The following COL6A6 variants were observed in gnomAD, a reference collection of about 807,000 sequenced individuals.
COL6A6 encodes the protein collagen alpha-6(VI) chain.
In COL6A6, 183 loss-of-function variants were observed where a neutral mutation model predicts 208.6. The ratio of observed to expected loss-of-function variants is 0.88; its 90% CI spans 0.78 to 0.99. The LOEUF (loss-of-function observed/expected upper bound fraction) is 0.99, where lower values mean the gene tolerates loss of function less well. COL6A6 is among the 50% of genes least tolerant of loss of function. The pLI is 0.00. For missense variants in COL6A6, 2,816 were observed against 2,815.2 expected (o/e 1.00, Z -0.01); for synonymous variants, 973 against 1,011.8 (o/e 0.96, Z 0.73).
chr3:130,563,156 C>G lies in COL6A6; in HGVS notation c.153C>G (p.Thr51=), dbSNP rs756803709. The change falls in exon 3 of 37, where the codon ACC becomes ACG. Residue 51 remains threonine (T), a synonymous_variant. Transcript: ENST00000358511. The part of the protein sequence containing the change: ...KSFPFVKMFI[T]KMISSLPIEA... ...TCCCATTTGTGAAAATGTTCATCAC[C>G]AAAATGATCAGCAGTCTCCCCATAG... The G allele has an allele frequency of 3.7e-6, 6 of 1,613,852 alleles. No individual in the cohort carries two copies. Among genetic ancestry groups the G allele is most frequent in the Non-Finnish European group, 5.1e-6 (6 of 1,179,896 alleles).
chr3:130,666,001 TGGACCTCAGATA>T (rs1279071680), intron 36 of COL6A6, among the ~76,000 whole-genome samples: 7 of 152,180 alleles, frequency 4.6e-5, no homozygotes, highest in Non-Finnish European at 1.0e-4. Flanking sequence ...AGCGTCTTGG[TGGACCTCAGATA>T]GGATGTTTAA....
intron 23 of COL6A6, among the ~76,000 whole-genome samples, chr3:130,614,601 T>A (rs1240364294): frequency 2.6e-5 from 4 of 152,316 alleles, no homozygotes; most frequent in Middle Eastern, 3.4e-3. Context: ...CTCTTCTTTA[T>A]ACATCTGATA....
chr3:130,521,540 G>A (rs1053430554), intron 1 of COL6A6, among the ~76,000 whole-genome samples: 1 of 152,194 alleles, frequency 6.6e-6, no homozygotes, highest in Admixed American at 6.5e-5. Flanking sequence ...ATTATACACT[G>A]TAGCAGATTC....
At chr3:130,637,292 A>T (rs548717539) in intron 28 of COL6A6, among the ~76,000 whole-genome samples, 1 of 150,756 alleles carries the variant, frequency 6.6e-6, no homozygotes, top group Admixed American at 6.6e-5. Flanking sequence ...CTATCTCTGG[A>T]TCATTTATTT....
At chr3:130,562,520 T>G (rs978595650) in intron 2 of COL6A6, among the ~76,000 whole-genome samples, 9 of 152,202 alleles carry the variant, frequency 5.9e-5, no homozygotes, top group Admixed American at 2.6e-4. Context: ...TTTTTAAACT[T>G]AATGTGACTG....
At chr3:130,591,355 A>G (rs1237256761) in intron 13 of COL6A6, among the ~76,000 whole-genome samples, 1 of 152,214 alleles carries the variant, frequency 6.6e-6, no homozygotes. Context: ...AGGGGAGTTG[A>G]ATCACTGCTG....
chr3:130,577,315 C>G (rs971720866), intron 8 of COL6A6, among the ~76,000 whole-genome samples: 1 of 152,112 alleles, frequency 6.6e-6, no homozygotes, highest in African/African-American at 2.4e-5. Context: ...CCCGTCTGTT[C>G]CTCTCACCAC....
chr3:130,601,571 A>T (rs1576307674), intron 20 of COL6A6, among the ~76,000 whole-genome samples: 1 of 152,312 alleles, frequency 6.6e-6, no homozygotes, highest in East Asian at 1.9e-4. Context: ...GCATGTAAGG[A>T]TGTACTTTCA....
At chr3:130,621,958 G>C in intron 24 of COL6A6, 75 bp downstream of exon 24, 1 of 1,276,510 alleles carries the variant, frequency 7.8e-7, no homozygotes, top group Non-Finnish European at 1.1e-6. Context: ...GTATTAGCCA[G>C]GGCCCTTTCA....
Position 130,649,550 on chromosome 3 carries a change from G to C in COL6A6, c.5721G>C (p.Arg1907Ser). The C allele has an allele frequency of 6.3e-7, 1 of 1,586,588 alleles. No homozygotes were observed. Among genetic ancestry groups the C allele is most frequent in the Non-Finnish European group, 8.6e-7 (1 of 1,166,830 alleles). Residue 1907 changes from arginine (R) to serine (S), a missense_variant, in exon 33 of 37, where the codon AGG (arginine) becomes AGC (serine). Arg to Ser is a moderately radical substitution (Grantham distance 110). Transcript: ENST00000358511. ...CTTTCAGCAACGTGCCCTCGGTCAG[G>C]CGCGCATTTGCGGTATGAGGATGAA... The part of the protein sequence containing the change: ...VITFSNVPSV[R>S]RAFAIDDTGT...
intron 6 of COL6A6, among the ~76,000 whole-genome samples, chr3:130,570,596 A>G (rs2063139153): frequency 6.6e-6 from 1 of 152,022 alleles, no homozygotes; most frequent in African/African-American, 2.4e-5. Flanking sequence ...GTGGGCCCCC[A>G]CTGACTCCCG....
chr3:130,549,864 C>A (rs1000900076), intron 1 of COL6A6, among the ~76,000 whole-genome samples: 1 of 152,144 alleles, frequency 6.6e-6, no homozygotes, highest in East Asian at 1.9e-4. Flanking sequence ...GCTATTTAGG[C>A]TCTTTTTTGG....
chr3:130,546,465 C>T (rs2062500534), intron 1 of COL6A6, among the ~76,000 whole-genome samples: 1 of 152,170 alleles, frequency 6.6e-6, no homozygotes, highest in African/African-American at 2.4e-5. Flanking sequence ...TTGCAAAGAA[C>T]AAAAGAACAA....
rs77604580 is a variant in COL6A6, at chr3:130,606,615, G to A, written c.4654-316G>A. 3.6e-3 allele frequency among the ~76,000 whole-genome samples: 547 copies of A among 152,314 alleles called. 4 individuals carry two copies. Among genetic ancestry groups the A allele is most frequent in the African/African-American group, 0.013 (520 of 41,572 alleles). ...ATTCAAATAAGTCAATTTGCAGCTTGTGAACAGCTCTAGTAAAAGTTTAAC... is the reference window on the plus strand; with the variant it reads ...ATTCAAATAAGTCAATTTGCAGCTTATGAACAGCTCTAGTAAAAGTTTAAC... On this transcript the variant is annotated intron_variant, in intron 20 of 36. Coordinates refer to ENST00000358511, the MANE Select transcript of COL6A6 (RefSeq NM_001102608.3).
chr3:130,660,701 A>T (rs1338150627), intron 34 of COL6A6, among the ~76,000 whole-genome samples: 10 of 152,228 alleles, frequency 6.6e-5, no homozygotes, highest in African/African-American at 2.4e-4. Context: ...AGGGGCACAC[A>T]GCTTGTTACT....
At chr3:130,573,122 C>T (rs561857403) in intron 7 of COL6A6, among the ~76,000 whole-genome samples, 100 of 152,298 alleles carry the variant, frequency 6.6e-4, no homozygotes, top group African/African-American at 2.4e-3. Context: ...TAGATACAGA[C>T]CAAAAGGCAT....
Position 130,589,139 on chromosome 3 carries a change from G to T in COL6A6, c.4175G>T (p.Gly1392Val), listed in dbSNP as rs930872812. Residue 1392 changes from glycine (G) to valine (V), a missense_variant, in exon 12 of 37, where the codon GGA becomes GTA. Transcript: ENST00000358511. ...TCCCLFCKCI[G>V]GDGTMGDPGP... ...TGCTGTTTGTTCTGCAAGTGCATTG[G>T]AGGAGATGGCACAATGGGAGATCCT... The T allele has an allele frequency of 3.7e-6, 6 of 1,613,782 alleles. No individual in the cohort carries two copies. The Admixed American group carries it at 1.0e-4, about 27-fold the overall frequency.
intron 1 of COL6A6, among the ~76,000 whole-genome samples, chr3:130,551,490 T>C (rs1395542720): frequency 6.6e-6 from 1 of 152,194 alleles, no homozygotes; most frequent in African/African-American, 2.4e-5. Flanking sequence ...TTTGTATTTC[T>C]ATGGGGTTAG....
At chr3:130,541,769 CT>C (rs1238648673) in intron 1 of COL6A6, among the ~76,000 whole-genome samples, 1 of 152,196 alleles carries the variant, frequency 6.6e-6, no homozygotes, top group African/African-American at 2.4e-5. Flanking sequence ...TCTTAAATGT[CT>C]GGCAAAACCC....
Sources: gnomAD v4.1 joint callset for allele counts (sites outside exome capture counted in the v4.1 genomes callset) on GRCh38, gnomAD v4.1.1 for gene constraint, MANE v1.5 for transcripts, NCBI Gene and HGNC (gene_info 2026-07-23, HGNC 2026-07-21) for gene names.